Variants in MTUS1 observed in about 807,000 individuals in gnomAD.
MTUS1 encodes the protein microtubule associated scaffold protein 1.
Under a neutral mutation model 120.8 loss-of-function variants are expected in MTUS1, and 109 were observed. The ratio of observed to expected loss-of-function variants is 0.90; its 90% CI spans 0.77 to 1.06. MTUS1 has a LOEUF of 1.06. Ranked by LOEUF, MTUS1 falls within the 50% of genes least tolerant of loss-of-function variation. The probability of loss-of-function intolerance (pLI) is 0.00; values close to 1 mark genes in which losing one functional copy is unlikely to be tolerated. For missense variants in MTUS1, 2,210 were observed against 1,486.3 expected (o/e 1.49, Z -8.01); for synonymous variants, 737 against 550.5 (o/e 1.34, Z -4.74).
At chr8:17,792,243 G>A (rs2051849111) in intron 1 of MTUS1, among the ~76,000 whole-genome samples, 1 of 152,130 alleles carries the variant, frequency 6.6e-6, no homozygotes, top group Admixed American at 6.5e-5. Flanking sequence ...GGAGGAAGGA[G>A]AGAAGAAAAG....
intron 6 of MTUS1, among the ~76,000 whole-genome samples, chr8:17,696,159 C>T (rs979495728): frequency 1.3e-5 from 2 of 152,116 alleles, no homozygotes; most frequent in African/African-American, 4.8e-5. Flanking sequence ...CTGACCTCCT[C>T]CTCGCTGCCT....
rs116180771 is a variant in MTUS1, at chr8:17,736,364, G to A, written c.2287+7240C>T. On this transcript the variant is annotated intron_variant, in intron 3 of 14. Transcript: ENST00000693296. Reference sequence around the variant, plus strand: ...CTCCAGCCCCCACCACACACAGTGCGTGGTTCACTGTTCCTCACGCACCCT... The same window carrying A: ...CTCCAGCCCCCACCACACACAGTGCATGGTTCACTGTTCCTCACGCACCCT... 5.9e-3 allele frequency among the ~76,000 whole-genome samples: 904 copies of A among 152,212 alleles called. 11 individuals carry two copies. Among genetic ancestry groups the A allele is most frequent in the African/African-American group, 0.02 (850 of 41,524 alleles).
intron 3 of MTUS1, among the ~76,000 whole-genome samples, chr8:17,733,338 A>T (rs1323137917): frequency 6.6e-6 from 1 of 151,138 alleles, no homozygotes; most frequent in Non-Finnish European, 1.5e-5. Flanking sequence ...GCGACACAGC[A>T]AGACTGTGCC....
intron 7 of MTUS1, among the ~76,000 whole-genome samples, chr8:17,680,230 G>A (rs561291445): frequency 1.3e-5 from 2 of 152,148 alleles, no homozygotes; most frequent in East Asian, 1.9e-4. Flanking sequence ...TTGGAAGGCC[G>A]AGGCAGGTGG....
intron 8 of MTUS1, among the ~76,000 whole-genome samples, chr8:17,671,113 G>A (rs6981071): frequency 0.042 from 6,335 of 152,048 alleles, 440 homozygotes; most frequent in African/African-American, 0.14. Context: ...TTAGCATTCC[G>A]CTGTATGAAA....
chr8:17,748,061 G>GAT (rs2047905227), intron 2 of MTUS1: 1 of 152,156 alleles, frequency 6.6e-6, no homozygotes, highest in Admixed American at 6.5e-5. Flanking sequence ...CTCAATACAA[G>GAT]ATTTGGGTGG....
chr8:17,767,771 G>A (rs903054148), intron 1 of MTUS1, among the ~76,000 whole-genome samples: 6 of 151,540 alleles, frequency 4.0e-5, no homozygotes, highest in African/African-American at 1.5e-4. Flanking sequence ...GGGGGTTGGG[G>A]AACATGAAGA....
At chr8:17,687,655 A>G (rs1394513267) in intron 6 of MTUS1, among the ~76,000 whole-genome samples, 4 of 152,198 alleles carry the variant, frequency 2.6e-5, no homozygotes. Context: ...TCTCAACAAG[A>G]TAATTACCAC....
intron 3 of MTUS1, among the ~76,000 whole-genome samples, chr8:17,736,728 G>A (rs530139140): frequency 2.6e-5 from 4 of 152,112 alleles, no homozygotes; most frequent in East Asian, 3.9e-4. Context: ...GAGACCACAG[G>A]CACCGGCCAC....
chr8:17,724,977 A>G (rs1346008103), intron 3 of MTUS1, among the ~76,000 whole-genome samples: 1 of 152,066 alleles, frequency 6.6e-6, no homozygotes, highest in Non-Finnish European at 1.5e-5. Flanking sequence ...GCTGGTCTCA[A>G]ACTTCTGGCC....
intron 3 of MTUS1, among the ~76,000 whole-genome samples, chr8:17,740,174 C>T (rs998209020): frequency 1.3e-5 from 2 of 151,436 alleles, no homozygotes; most frequent in African/African-American, 4.9e-5. Flanking sequence ...CACCATTGCA[C>T]TCCAGCCTGA....
intron 7 of MTUS1, among the ~76,000 whole-genome samples, chr8:17,678,106 T>G (rs1302613584): frequency 1.3e-5 from 2 of 152,304 alleles, no homozygotes; most frequent in Admixed American, 6.5e-5. Flanking sequence ...CTGACCCCAG[T>G]GCCCATACTG....
chr8:17,647,610 G>C (rs1281831891), intron 13 of MTUS1, among the ~76,000 whole-genome samples: 2 of 152,160 alleles, frequency 1.3e-5, no homozygotes, highest in Non-Finnish European at 2.9e-5. Flanking sequence ...CAATTCGATA[G>C]AGCTCTTAGA....
At chr8:17,697,716 G>C in intron 6 of MTUS1, 1 of 1,001,638 alleles carries the variant, frequency 1.0e-6, no homozygotes, top group Non-Finnish European at 1.2e-6. Flanking sequence ...ATGGTAAAGG[G>C]GAGGAGAAAG....
chr8:17,653,487 C>G lies in MTUS1; in HGVS notation c.3226G>C (p.Gly1076Arg), dbSNP rs774235996. 1.9e-5 allele frequency: 30 copies of G among 1,610,494 alleles called. No homozygotes were observed. Among genetic ancestry groups the G allele is most frequent in the Non-Finnish European group, 2.5e-5 (29 of 1,178,152 alleles). Residue 1076 changes from glycine (G) to arginine (R), a missense_variant, in exon 11 of 15, where the codon GGC (glycine) becomes CGC (arginine). Transcript: ENST00000693296. ...YEASLSEIKK[G>R]HEIEKKSLED... ...AGCGATTTCTTTTCTATTTCATGGC[C>G]TTTCTTAATTTCTGGGAAAATAAAC... is the stretch of plus-strand genomic sequence containing the variant.
At chr8:17,688,833 A>G (rs927059676) in intron 6 of MTUS1, among the ~76,000 whole-genome samples, 4 of 152,190 alleles carry the variant, frequency 2.6e-5, no homozygotes, top group African/African-American at 9.6e-5. Flanking sequence ...TACATATAAT[A>G]TTTTTCTATT....
intron 6 of MTUS1, among the ~76,000 whole-genome samples, chr8:17,699,348 G>T (rs1266389251): frequency 6.6e-6 from 1 of 152,116 alleles, no homozygotes; most frequent in African/African-American, 2.4e-5. Context: ...CTCCGTAGAT[G>T]GGATTACAGG....
chr8:17,709,810 C>G (rs534064203), intron 6 of MTUS1, among the ~76,000 whole-genome samples: 2 of 151,958 alleles, frequency 1.3e-5, no homozygotes, highest in East Asian at 3.9e-4. Context: ...AGATGGAGAC[C>G]ATCTGGCTAA....
chr8:17,690,187 A>T (rs1324151816), intron 6 of MTUS1, among the ~76,000 whole-genome samples: 1 of 152,190 alleles, frequency 6.6e-6, no homozygotes, highest in Non-Finnish European at 1.5e-5. Flanking sequence ...AAAAAATACA[A>T]CCCCAATAAA....
Sources: gnomAD v4.1 joint callset for allele counts (sites outside exome capture counted in the v4.1 genomes callset) on GRCh38, gnomAD v4.1.1 for gene constraint, MANE v1.5 for transcripts, NCBI Gene and HGNC (gene_info 2026-07-23, HGNC 2026-07-21) for gene names.